The following FAM193A variants were observed in gnomAD, a reference collection of about 807,000 sequenced individuals.
The protein encoded by FAM193A is protein FAM193A.
In FAM193A, 22 loss-of-function variants were observed where a neutral mutation model predicts 126.5. The ratio of observed to expected loss-of-function variants is 0.17; its 90% confidence interval spans 0.12 to 0.25. The LOEUF (loss-of-function observed/expected upper bound fraction) is 0.25. Among genes scored for constraint, FAM193A ranks in the 10% least tolerant of loss-of-function variants. The probability of loss-of-function intolerance (pLI) is 1.00; values close to 1 mark genes in which losing one functional copy is unlikely to be tolerated. For synonymous variants in FAM193A, 761 were observed against 646.8 expected, an observed-to-expected ratio of 1.18 and a Z score of -2.68; for missense variants, 1,675 against 1,672.8, an observed-to-expected ratio of 1.00 and a Z score of -0.02.
chr4:2,608,252 C>G, intron 2 of FAM193A: 2 of 783,890 alleles, frequency 2.6e-6, no homozygotes, highest in Non-Finnish European at 4.0e-6. Context: ...AATCCTGATT[C>G]TCTGCAGCCT....
At chr4:2,595,759 G>A (rs1740824669) in intron 1 of FAM193A, among the ~76,000 whole-genome samples, 1 of 152,188 alleles carries the variant, frequency 6.6e-6, no homozygotes, top group South Asian at 2.1e-4. Context: ...GACTTCGTTG[G>A]TGGTAACCAG....
chr4:2,585,773 C>G (rs1383133317), intron 1 of FAM193A, among the ~76,000 whole-genome samples: 2 of 152,066 alleles, frequency 1.3e-5, no homozygotes, highest in Non-Finnish European at 2.9e-5. Flanking sequence ...CTAAAAAATA[C>G]AGAAATTAGC....
intron 1 of FAM193A, among the ~76,000 whole-genome samples, chr4:2,543,186 C>T (rs1192114608): frequency 6.6e-6 from 1 of 151,856 alleles, no homozygotes; most frequent in Non-Finnish European, 1.5e-5. Context: ...CTCCCGGGTT[C>T]AAGTGATTCT....
At chr4:2,668,524 T>C (rs1231426016) in intron 12 of FAM193A, among the ~76,000 whole-genome samples, 5 of 152,154 alleles carry the variant, frequency 3.3e-5, no homozygotes, top group African/African-American at 4.8e-5. Flanking sequence ...ATATGCATCT[T>C]AATTTATCAC....
chr4:2,627,765 C>T (rs1461679320), intron 4 of FAM193A, among the ~76,000 whole-genome samples: 5 of 135,972 alleles, frequency 3.7e-5, no homozygotes, highest in African/African-American at 8.4e-5. Flanking sequence ...TTTTTTGAGA[C>T]GATGTCTCGC....
chr4:2,677,151 C>T (rs1213284485), intron 13 of FAM193A, among the ~76,000 whole-genome samples: 1 of 152,120 alleles, frequency 6.6e-6, no homozygotes, highest in African/African-American at 2.4e-5. Context: ...GGTCCAACTT[C>T]ATTCTTTTGC....
intron 1 of FAM193A, among the ~76,000 whole-genome samples, chr4:2,592,834 C>T (rs962074289): frequency 2.6e-5 from 4 of 152,206 alleles, no homozygotes; most frequent in South Asian, 2.1e-4. Flanking sequence ...TGTGGGGAAG[C>T]TCTCTGCGCC....
intron 20 of FAM193A, among the ~76,000 whole-genome samples, chr4:2,722,057 C>T (rs1288031771): frequency 6.6e-5 from 10 of 152,212 alleles, no homozygotes; most frequent in African/African-American, 2.2e-4. Context: ...CACGAAATTA[C>T]CAAGAACTAT....
At chr4:2,585,565 C>A (rs951021671) in intron 1 of FAM193A, among the ~76,000 whole-genome samples, 3 of 152,132 alleles carry the variant, frequency 2.0e-5, no homozygotes, top group Non-Finnish European at 4.4e-5. Flanking sequence ...TATCTTTTTC[C>A]TATTTTTCTC....
intron 2 of FAM193A, among the ~76,000 whole-genome samples, chr4:2,624,739 G>T (rs1219300954): frequency 3.3e-5 from 5 of 152,174 alleles, no homozygotes; most frequent in Admixed American, 6.5e-5. Context: ...ATGAGGTCTT[G>T]CTGTGTTACC....
chr4:2,581,088 C>T (rs1739899742), intron 1 of FAM193A, among the ~76,000 whole-genome samples: 1 of 151,502 alleles, frequency 6.6e-6, no homozygotes, highest in Admixed American at 6.6e-5. Context: ...GAGATTGCGC[C>T]ACTGCACTCC....
intron 1 of FAM193A, among the ~76,000 whole-genome samples, chr4:2,539,825 A>G (rs1488787839): frequency 2.0e-5 from 3 of 152,066 alleles, no homozygotes; most frequent in Non-Finnish European, 4.4e-5. Flanking sequence ...AGGGCCGGGC[A>G]CCGTGGCTCA....
In FAM193A at chr4:2,689,562, A is replaced by G. The variant is rs766526829; in HGVS notation, c.2388A>G (p.Ala796=). 1.3e-6 allele frequency: 2 copies of G among 1,546,962 alleles called. No homozygotes were observed. Among genetic ancestry groups the G allele is most frequent in the Admixed American group, 4.8e-5 (2 of 41,694 alleles). The change falls in exon 14 of 21, where the codon GCA becomes GCG. Residue 796 remains alanine, a synonymous_variant. Coordinates refer to ENST00000637812, the MANE Select transcript of FAM193A (RefSeq NM_001366318.2). Reference sequence around the variant, plus strand: ...CAAATAAGCATCAGGTATTCAATGCATCTCTTCAAGACCATATTTATCCGA... The same window carrying G: ...CAAATAAGCATCAGGTATTCAATGCGTCTCTTCAAGACCATATTTATCCGA... The part of the protein sequence containing the change: ...NHTNKHQVFN[A]SLQDHIYPSC...
At chr4:2,694,722 G>A (rs538510202) in intron 16 of FAM193A, among the ~76,000 whole-genome samples, 1 of 152,296 alleles carries the variant, frequency 6.6e-6, no homozygotes, top group East Asian at 1.9e-4. Context: ...GTGGCGCTCT[G>A]TGAGCACTTT....
chr4:2,660,521 A>G (rs1712305681), intron 10 of FAM193A, among the ~76,000 whole-genome samples: 1 of 152,186 alleles, frequency 6.6e-6, no homozygotes, highest in African/African-American at 2.4e-5. Context: ...ACCAATTCAC[A>G]TTGTAGTTGG....
intron 1 of FAM193A, among the ~76,000 whole-genome samples, chr4:2,541,393 T>C (rs1292698537): frequency 6.6e-6 from 1 of 151,898 alleles, no homozygotes; most frequent in African/African-American, 2.4e-5. Context: ...CTGTTCCATG[T>C]AATCTCATTA....
chr4:2,710,819 C>A (rs1468868605), intron 19 of FAM193A, among the ~76,000 whole-genome samples: 1 of 147,086 alleles, frequency 6.8e-6, no homozygotes, highest in East Asian at 2.0e-4. Context: ...TTGTTAATTT[C>A]TGCTTTCGTC....
chr4:2,648,313 G>A (rs751890325), intron 7 of FAM193A, among the ~76,000 whole-genome samples: 4 of 152,126 alleles, frequency 2.6e-5, no homozygotes, highest in African/African-American at 9.7e-5. Flanking sequence ...ATGACTCTGC[G>A]CCTCTTCCTT....
intron 1 of FAM193A, among the ~76,000 whole-genome samples, chr4:2,548,583 A>C (rs949935807): frequency 6.6e-5 from 10 of 151,476 alleles, no homozygotes; most frequent in African/African-American, 2.2e-4. Context: ...CAGCCTTCTG[A>C]GTAGCTGGAG....
Sources: allele counts gnomAD v4.1 joint callset (sites outside exome capture counted in the v4.1 genomes callset), GRCh38; gene constraint gnomAD v4.1.1; transcripts MANE v1.5; gene names NCBI Gene and HGNC (gene_info 2026-07-23, HGNC 2026-07-21).